The following CACNA1H variants were observed in gnomAD, a reference collection of about 807,000 sequenced individuals.
CACNA1H encodes the protein calcium voltage-gated channel subunit alpha1 H.
CACNA1H carries 149 observed loss-of-function variants against 192.5 expected under a neutral mutation model. The observed-to-expected ratio is 0.77, with a 90% CI of 0.68 to 0.89. The LOEUF (loss-of-function observed/expected upper bound fraction) is 0.89. CACNA1H is among the 40% of genes least tolerant of loss of function. The probability of loss-of-function intolerance (pLI) is 0.00; values close to 1 mark genes in which losing one functional copy is unlikely to be tolerated. For missense variants in CACNA1H, 4,257 were observed against 3,423.5 expected (o/e 1.24, Z -6.08); for synonymous variants, 2,202 against 1,475.2 (o/e 1.49, Z -11.29).
At chr16:1,170,403 C>T (rs1964248588) in intron 2 of CACNA1H, among the ~76,000 whole-genome samples, 1 of 152,184 alleles carries the variant, frequency 6.6e-6, no homozygotes, top group Admixed American at 6.5e-5. Flanking sequence ...TGGGCAGAAG[C>T]AGCTGTCAGC....
chr16:1,179,695 T>C lies in CACNA1H; in HGVS notation c.300-15277T>C, dbSNP rs553866492. 8.1e-3 allele frequency among the ~76,000 whole-genome samples: 1,215 copies of C among 150,370 alleles called. 18 individuals are homozygous for C. The highest frequency in any genetic ancestry group is 0.028 in the African/African-American group (1,128 of 40,816). On this transcript the variant is annotated intron_variant, in intron 2 of 34. Coordinates refer to ENST00000348261, the MANE Select transcript of CACNA1H (RefSeq NM_021098.3). ...CCACCCGCCTCAGCCTCCCAAAGTG[T>C]TGGGATGACAGGTGTGAGCCACCAC... is the stretch of plus-strand genomic sequence containing the variant.
At chr16:1,182,404 GC>G (rs1372273989) in intron 2 of CACNA1H, among the ~76,000 whole-genome samples, 1 of 152,196 alleles carries the variant, frequency 6.6e-6, no homozygotes. Context: ...CCAGGTGGTG[GC>G]CTGTGGTGGG....
At chr16:1,170,088 C>G (rs547849851) in intron 2 of CACNA1H, among the ~76,000 whole-genome samples, 1 of 152,208 alleles carries the variant, frequency 6.6e-6, no homozygotes, top group East Asian at 1.9e-4. Flanking sequence ...GGCGGCCTCC[C>G]GGCTTACAGC....
intron 2 of CACNA1H, among the ~76,000 whole-genome samples, chr16:1,178,305 C>T (rs1965117695): frequency 6.9e-6 from 1 of 145,602 alleles, no homozygotes; most frequent in African/African-American, 2.6e-5. Context: ...CCCTCCCCCA[C>T]GGCCTCCCCA....
chr16:1,203,299 G>A (rs920045399), intron 9 of CACNA1H, among the ~76,000 whole-genome samples: 2 of 152,172 alleles, frequency 1.3e-5, no homozygotes, highest in African/African-American at 4.8e-5. Context: ...TGTCAGTTTC[G>A]TGTTGGAGTA....
Position 1,153,903 on chromosome 16 carries a change from G to A in CACNA1H, c.166G>A (p.Ala56Thr). The change falls in exon 2 of 35, where the codon GCC becomes ACC. Residue 56 changes from alanine to threonine, a missense_variant. Physicochemically the swap from Ala to Thr is moderately conservative, Grantham distance 58. Transcript: ENST00000348261. ...LGVSPSESPA[A>T]ERGAELGADE... The stretch of plus-strand genomic sequence containing the variant: ...CGTGTCACCCTCCGAGAGCCCGGCG[G>A]CCGAGCGCGGCGCGGAGCTGGGTGC... The A allele has an allele frequency of 1.4e-6, 2 of 1,453,248 alleles. No homozygotes were observed. The highest frequency in any genetic ancestry group is 2.4e-5 in the Admixed American group (1 of 41,540). 90.0% of individuals were successfully genotyped at this position (1,453,248 alleles called of 1,614,324 possible).
chr16:1,219,931 CAG>C, intron 34 of CACNA1H, 48 bp from the exon 35 acceptor site: 1 of 1,251,934 alleles, frequency 8.0e-7, no homozygotes, highest in Non-Finnish European at 1.0e-6. Flanking sequence ...TGGCCACTGA[CAG>C]GGCTCTCCCA....
At chr16:1,194,931 T>G (rs1475557190) in intron 2 of CACNA1H, 41 bp from the exon 3 acceptor site, 1 of 1,475,594 alleles carries the variant, frequency 6.8e-7, no homozygotes. Flanking sequence ...TGGGAGCGGG[T>G]CCCGGGCCGC....
In CACNA1H at chr16:1,194,946, G is replaced by C. The variant is rs773324169; in HGVS notation, c.300-26G>C. 7 of 1,555,088 alleles carry C rather than the reference G, an allele frequency of 4.5e-6. No individual in the cohort carries two copies. The Admixed American group carries it at 5.0e-5, about 11-fold the overall frequency. Reference sequence around the variant, plus strand: ...TGGGAGCGGGTCCCGGGCCGCGCCGGTGTGCTCCTTAACCCGCGGCGACAC... The same window carrying C: ...TGGGAGCGGGTCCCGGGCCGCGCCGCTGTGCTCCTTAACCCGCGGCGACAC... On this transcript the variant is annotated intron_variant, in intron 2 of 34. Coordinates refer to ENST00000348261, the MANE Select transcript of CACNA1H (RefSeq NM_021098.3).
chr16:1,213,312 GTC>G (rs1015918677), intron 26 of CACNA1H, among the ~76,000 whole-genome samples: 3 of 152,192 alleles, frequency 2.0e-5, no homozygotes, highest in Non-Finnish European at 2.9e-5. Context: ...CTTCATCAGT[GTC>G]TCAGCCTGAG....
At position 1,220,341 on chromosome 16, in the gene CACNA1H, A is replaced by G. The variant is rs1970383218; in HGVS notation, c.6409A>G (p.Ser2137Gly). ...CGAGCGGGACCTGCGCAGGCTCTAC[A>G]GCGTGGATGCTCAGGGCTTCCTGGA... Reference protein sequence around the residue: ...GGERDLRRLYSVDAQGFLDKP... With the variant: ...GGERDLRRLYGVDAQGFLDKP... The change falls in exon 35 of 35, where the codon AGC (serine) becomes GGC (glycine). Residue 2137 changes from serine to glycine, a missense_variant. By Grantham distance (56) the Ser-to-Gly change is moderately conservative (BLOSUM62 0). Transcript: ENST00000348261. The G allele has an allele frequency of 1.9e-6, 3 of 1,546,216 alleles. No individual in the cohort carries two copies. The highest frequency in any genetic ancestry group is 2.3e-5 in the East Asian group (1 of 42,742).
chr16:1,218,557 C>A lies in CACNA1H; in HGVS notation c.5793C>A (p.Ser1931Arg). 6.4e-7 allele frequency: 1 copy of A among 1,563,174 alleles called. No individual in the cohort carries two copies. The highest frequency in any genetic ancestry group is 1.9e-5 in the Admixed American group (1 of 52,570). ...VSRMLSLPNDSYMFRPVVPAS... is the reference protein window; with the variant it reads ...VSRMLSLPNDRYMFRPVVPAS... ...GGATGCTCTCGCTGCCCAACGACAG[C>A]TACATGTTCAGGCCCGTGGTGCCTG... The change falls in exon 33 of 35, where the codon AGC (serine) becomes AGA (arginine). Residue 1931 changes from serine to arginine, a missense_variant. Physicochemically the swap from Ser to Arg is moderately radical, Grantham distance 110 (BLOSUM62 -1). Coordinates refer to ENST00000348261, the MANE Select transcript of CACNA1H (RefSeq NM_021098.3).
Position 1,182,434 on chromosome 16 carries a change from C to G in CACNA1H, c.300-12538C>G, listed in dbSNP as rs531608142. ...TGGTGGGTGTGGGCTCCCCGCACCC[C>G]TGCGCTGGGGGCGGTGCTCTCCCAC... On this transcript the variant is annotated intron_variant, in intron 2 of 34. Transcript: ENST00000348261. Among the ~76,000 whole-genome samples the G allele has an allele frequency of 6.3e-3, 954 of 152,274 alleles. 13 individuals carry two copies. The highest frequency in any genetic ancestry group is 0.022 in the African/African-American group (921 of 41,558).
At chr16:1,179,460 A>G (rs1965245895) in intron 2 of CACNA1H, among the ~76,000 whole-genome samples, 1 of 151,424 alleles carries the variant, frequency 6.6e-6, no homozygotes, top group Non-Finnish European at 1.5e-5. Flanking sequence ...TTATTTATTG[A>G]TGTGTGTGTG....
chr16:1,158,764 A>G (rs373695654), intron 2 of CACNA1H, among the ~76,000 whole-genome samples: 3,000 of 151,860 alleles, frequency 0.02, 89 homozygotes, highest in African/African-American at 0.067. Context: ...TTGCCGAGAG[A>G]GCTCTAGTTC....
In CACNA1H at chr16:1,195,655, G is replaced by A. The variant is rs1046288068; in HGVS notation, c.545+90G>A. 14 of 1,427,026 alleles carry A rather than the reference G, an allele frequency of 9.8e-6. No individual in the cohort carries two copies. The African/African-American group carries it at 2.0e-4, about 20-fold the overall frequency. The allele number at this position is 1,427,026 out of a possible 1,614,324, so 88.4% of individuals were successfully genotyped here. On this transcript the variant is annotated intron_variant, in intron 4 of 34. Coordinates refer to ENST00000348261, the MANE Select transcript of CACNA1H (RefSeq NM_021098.3). ...CTGTGTCCCACCTGTAAAGAAAAAT[G>A]GGAGGTGTGTTCTAGAGGGATCCAG...
intron 2 of CACNA1H, among the ~76,000 whole-genome samples, chr16:1,174,878 T>C (rs1964710646): frequency 6.6e-6 from 1 of 152,068 alleles, no homozygotes; most frequent in Admixed American, 6.5e-5. Flanking sequence ...CAGCTGGCGG[T>C]GGGCAGGCAG....
intron 6 of CACNA1H, 139 bp from the exon 7 acceptor site, chr16:1,200,117 C>G (rs899563797): frequency 2.8e-5 from 20 of 702,478 alleles, no homozygotes; most frequent in Non-Finnish European, 4.5e-5. Context: ...CCGTGCCTCC[C>G]TAACCATGAT....
chr16:1,190,117 C>G (rs1249303948), intron 2 of CACNA1H, among the ~76,000 whole-genome samples: 2 of 152,180 alleles, frequency 1.3e-5, no homozygotes, highest in Admixed American at 1.3e-4. Flanking sequence ...ACCCCGTAGC[C>G]AAGACCACCT....
Sources: gnomAD v4.1 joint callset for allele counts (sites outside exome capture counted in the v4.1 genomes callset) on GRCh38, gnomAD v4.1.1 for gene constraint, MANE v1.5 for transcripts, NCBI Gene and HGNC (gene_info 2026-07-23, HGNC 2026-07-21) for gene names.